Variants in PGAP1 observed in about 807,000 individuals in gnomAD.
The protein encoded by PGAP1 is GPI inositol-deacylase.
Under a neutral mutation model 127.0 loss-of-function variants are expected in PGAP1, and 76 were observed. That is an observed-to-expected ratio of 0.60 (90% CI 0.50 to 0.72). The LOEUF is 0.72. Ranked by LOEUF, PGAP1 falls within the 30% of genes least tolerant of loss-of-function variation. PGAP1 has a pLI of 0.00. For missense variants in PGAP1, 982 were observed against 1,071.3 expected, an observed-to-expected ratio of 0.92 and a Z score of 1.16; for synonymous variants, 362 against 366.5, an observed-to-expected ratio of 0.99 and a Z score of 0.14.
rs1032125230 is a variant in PGAP1, at chr2:196,834,194, T to C, written c.*7040A>G. The C allele has an allele frequency of 2.6e-5, 4 of 152,060 alleles. No homozygotes were observed. Among genetic ancestry groups the C allele is most frequent in the Non-Finnish European group, 5.9e-5 (4 of 67,928 alleles). The allele number at this position is 152,060 out of a possible 1,614,324, so 9.4% of individuals were successfully genotyped here. On this transcript the variant is annotated 3_prime_UTR_variant, in exon 27 of 27. Coordinates refer to ENST00000354764, the MANE Select transcript of PGAP1 (RefSeq NM_024989.4). ...ACAATGCTACCACCTTCTCCTAGAA[T>C]ATTTTTTCAGAAACCTAAGCCAAAC...
At chr2:196,905,725 C>T (rs12386198) in intron 4 of PGAP1, among the ~76,000 whole-genome samples, 1 of 148,694 alleles carries the variant, frequency 6.7e-6, no homozygotes, top group South Asian at 2.2e-4. Context: ...AGACAGTGGG[C>T]GCAGGCCAGT....
chr2:196,860,133 A>C (rs1199591460), intron 20 of PGAP1, among the ~76,000 whole-genome samples: 1 of 152,144 alleles, frequency 6.6e-6, no homozygotes, highest in African/African-American at 2.4e-5. Context: ...ACCAAAAAAA[A>C]CTGTTAGAAT....
At chr2:196,843,808 A>G in intron 25 of PGAP1, 80 bp downstream of exon 25, 2 of 853,210 alleles carry the variant, frequency 2.3e-6, no homozygotes, top group Non-Finnish European at 3.3e-6. Context: ...TTCATTAACC[A>G]TTAGGAATCT....
Position 196,836,299 on chromosome 2 carries a change from C to T in PGAP1, c.*4935G>A, listed in dbSNP as rs1049373455. On this transcript the variant is annotated 3_prime_UTR_variant, in exon 27 of 27. Coordinates refer to ENST00000354764, the MANE Select transcript of PGAP1 (RefSeq NM_024989.4). ...CTGTACTTTATTTAAAAGTTATCAA[C>T]CGTAGACAATTAAGACAGCTTAGAA... 3 of 152,476 alleles carry T rather than the reference C, an allele frequency of 2.0e-5. No individual in the cohort carries two copies. Among genetic ancestry groups the T allele is most frequent in the African/African-American group, 7.2e-5 (3 of 41,434 alleles). 9.4% of individuals were successfully genotyped at this position (152,476 alleles called of 1,614,324 possible). A position where few individuals can be genotyped will look rare whatever the true frequency, so the allele number is the denominator to read the frequency against.
chr2:196,901,409 A>G (rs1702484452), intron 5 of PGAP1, among the ~76,000 whole-genome samples: 1 of 152,232 alleles, frequency 6.6e-6, no homozygotes, highest in South Asian at 2.1e-4. Context: ...CTAAAGTAGG[A>G]CAACAATAGG....
intron 20 of PGAP1, among the ~76,000 whole-genome samples, chr2:196,852,398 T>C (rs1038512327): frequency 6.6e-6 from 1 of 152,056 alleles, no homozygotes; most frequent in Admixed American, 6.6e-5. Context: ...ATAAGCTGGT[T>C]CTCATCTATT....
chr2:196,855,782 T>TA (rs1170016159), intron 20 of PGAP1, among the ~76,000 whole-genome samples: 6 of 152,064 alleles, frequency 3.9e-5, no homozygotes, highest in African/African-American at 1.4e-4. Context: ...ATAAGTCCAA[T>TA]AAAAATCTGT....
intron 10 of PGAP1, among the ~76,000 whole-genome samples, chr2:196,886,379 T>C (rs1424690196): frequency 6.6e-6 from 1 of 152,008 alleles, no homozygotes; most frequent in Admixed American, 6.6e-5. Context: ...CAGGCTGGTC[T>C]TGAACTCCTG....
chr2:196,863,507 G>A (rs964937488), intron 20 of PGAP1, among the ~76,000 whole-genome samples: 1 of 152,170 alleles, frequency 6.6e-6, no homozygotes, highest in Non-Finnish European at 1.5e-5. Flanking sequence ...TCATATCTGG[G>A]AATTTGAAAA....
At chr2:196,919,952 A>T in intron 2 of PGAP1, 45 bp downstream of exon 2, 2 of 1,556,392 alleles carry the variant, frequency 1.3e-6, no homozygotes, top group Non-Finnish European at 1.7e-6. Context: ...CAAATTCTTG[A>T]GTTGAATTTT....
chr2:196,888,285 A>C (rs2125815034), intron 10 of PGAP1, among the ~76,000 whole-genome samples: 1 of 152,232 alleles, frequency 6.6e-6, no homozygotes, highest in South Asian at 2.1e-4. Flanking sequence ...GCTACTAAAA[A>C]CCATCAAGTG....
Position 196,893,196 on chromosome 2 carries a change from A to C in PGAP1, c.977T>G (p.Ile326Arg), listed in dbSNP as rs1702161073. 1.9e-6 allele frequency: 3 copies of C among 1,602,266 alleles called. No homozygotes were observed. In the East Asian group the frequency reaches 6.8e-5, roughly 36 times the overall value. ...CTCAAAATGTTTTGATGGGTGTCTT[A>C]TAAAGTGGTGATACAAAACTGACAG... ...KKLSVLYHHF[I>R]RHPSKHFEEN... Residue 326 changes from isoleucine (I) to arginine (R), a missense_variant, in exon 8 of 27, where the codon ATA becomes AGA. Ile to Arg is a moderately conservative substitution (Grantham distance 97). Coordinates refer to ENST00000354764, the MANE Select transcript of PGAP1 (RefSeq NM_024989.4).
rs1700195656 is a variant in PGAP1 at position 196,834,846 on chromosome 2, A to C, written c.*6388T>G. On this transcript the variant is annotated 3_prime_UTR_variant, in exon 27 of 27. Transcript: ENST00000354764. ...TGAACTCATTTCAAAGAACAATGTA[A>C]ACTGAACTTAGGCCTTGTACACTAT... 1 of 152,016 alleles carries C rather than the reference A, an allele frequency of 6.6e-6. No homozygotes were observed. Among genetic ancestry groups the C allele is most frequent in the Non-Finnish European group, 1.5e-5 (1 of 67,900 alleles). 9.4% of individuals were successfully genotyped at this position (152,016 alleles called of 1,614,324 possible). A position where few individuals can be genotyped will look rare whatever the true frequency, so the allele number is the denominator to read the frequency against.
intron 10 of PGAP1, among the ~76,000 whole-genome samples, chr2:196,888,909 G>C (rs1043269225): frequency 1.3e-5 from 2 of 152,114 alleles, no homozygotes; most frequent in Admixed American, 1.3e-4. Flanking sequence ...GTCAAAAAAA[G>C]TGTAAATAAA....
chr2:196,902,782 C>T (rs780480510), intron 4 of PGAP1, 40 bp from the exon 5 acceptor site: 4 of 1,485,156 alleles, frequency 2.7e-6, no homozygotes, highest in Non-Finnish European at 3.7e-6. Flanking sequence ...AAACAGTAGC[C>T]ATTCCCTGAA....
intron 10 of PGAP1, among the ~76,000 whole-genome samples, chr2:196,888,068 G>C (rs991272492): frequency 2.6e-5 from 4 of 152,200 alleles, no homozygotes; most frequent in African/African-American, 4.8e-5. Context: ...GGATTGAATA[G>C]ATAGAGTATC....
chr2:196,901,328 T>G (rs1220725863), intron 5 of PGAP1, among the ~76,000 whole-genome samples: 1 of 152,242 alleles, frequency 6.6e-6, no homozygotes, highest in Non-Finnish European at 1.5e-5. Context: ...AATAGCAGAA[T>G]AGCTTAATAA....
chr2:196,891,972 A>G (rs1433937765), intron 9 of PGAP1, among the ~76,000 whole-genome samples: 1 of 152,134 alleles, frequency 6.6e-6, no homozygotes, highest in Non-Finnish European at 1.5e-5. Context: ...GCAATCAGTA[A>G]AATCAAGACT....
chr2:196,897,713 C>T (rs924327788), intron 6 of PGAP1, among the ~76,000 whole-genome samples: 3 of 152,158 alleles, frequency 2.0e-5, no homozygotes, highest in South Asian at 4.2e-4. Context: ...ACCAAAAGTG[C>T]AGTTGATTCC....
Sources: gnomAD v4.1 joint callset for allele counts (sites outside exome capture counted in the v4.1 genomes callset) on GRCh38, gnomAD v4.1.1 for gene constraint, MANE v1.5 for transcripts, NCBI Gene and HGNC (gene_info 2026-07-23, HGNC 2026-07-21) for gene names.